The following INPP5D variants were observed in gnomAD, a reference collection of about 807,000 sequenced individuals.
The protein encoded by INPP5D is phosphatidylinositol 3,4,5-trisphosphate 5-phosphatase 1.
A neutral mutation model predicts 122.9 loss-of-function variants in INPP5D; 33 were observed. The observed-to-expected ratio is 0.27, with a 90% CI of 0.20 to 0.36. The LOEUF (loss-of-function observed/expected upper bound fraction) is 0.36. INPP5D is among the 10% of genes least tolerant of loss of function. The pLI is 1.00. For synonymous variants in INPP5D, 584 were observed against 576.2 expected (o/e 1.01, Z -0.19); for missense variants, 1,053 against 1,412.7 (o/e 0.75, Z 4.08).
rs1325880365 is a variant in INPP5D at position 233,182,418 on chromosome 2, A to G, written c.2080A>G (p.Ser694Gly). The G allele has an allele frequency of 6.2e-7, 1 of 1,613,548 alleles. No homozygotes were observed. The highest frequency in any genetic ancestry group is 8.5e-7 in the Non-Finnish European group (1 of 1,179,684). The change falls in exon 19 of 27, where the codon AGC becomes GGC. Residue 694 changes from serine (S) to glycine (G), a missense_variant. This residue lies in a region of INPP5D where 258 missense variants were observed against 439.1 expected (regional missense o/e 0.59). Coordinates refer to ENST00000445964, the MANE Select transcript of INPP5D (RefSeq NM_001017915.3). ...HVVCQSYGST[S>G]DIMTSDHSPV... ...CCTTCCCTCCCCTGCAGGCAGTACC[A>G]GCGACATCATGACGAGTGACCACAG...
At position 233,206,393 on chromosome 2, in the gene INPP5D, G is replaced by A. The variant is rs1695505575; in HGVS notation, c.3568-313G>A. Among the ~76,000 whole-genome samples the A allele has an allele frequency of 1.3e-5, 2 of 151,934 alleles. No homozygotes were observed. Among genetic ancestry groups the A allele is most frequent in the South Asian group, 4.2e-4 (2 of 4,814 alleles). On this transcript the variant is annotated intron_variant, in intron 26 of 26. Transcript: ENST00000445964. This position sits in a 1 kb window ranked among gnomAD's most constrained non-coding sequence, Gnocchi z 4.0. The stretch of plus-strand genomic sequence containing the variant: ...TATATGGTACGTACCTGGGTGTGGT[G>A]CCATGCACCTGTAGTCCCAGCTACT...
Position 233,193,917 on chromosome 2 carries a change from T to A in INPP5D, c.2552T>A (p.Ile851Asn). The change falls in exon 23 of 27, where the codon ATC (isoleucine) becomes AAC (asparagine). Residue 851 changes from isoleucine (I) to asparagine (N), a missense_variant. Ile to Asn is a moderately radical substitution (Grantham distance 149). Transcript: ENST00000445964. ...TTGACAGGCCACTTCCAGGGGGAGA[T>A]CAAGCTGCAGACCTCTCAGGGCAAG... is the stretch of plus-strand genomic sequence containing the variant. ...GELTGHFQGE[I>N]KLQTSQGKTR... 1 of 1,613,230 alleles carries A rather than the reference T, an allele frequency of 6.2e-7. No individual in the cohort carries two copies. The highest frequency in any genetic ancestry group is 8.5e-7 in the Non-Finnish European group (1 of 1,179,494).
intron 25 of INPP5D, among the ~76,000 whole-genome samples, chr2:233,200,909 T>A (rs1366672817): frequency 6.6e-6 from 1 of 151,798 alleles, no homozygotes; most frequent in Non-Finnish European, 1.5e-5. Context: ...TGCAGTGAGC[T>A]GAGGTCATGC....
rs545467198 is a variant in INPP5D at position 233,163,250 on chromosome 2, C to G, written c.1241-457C>G. Among the ~76,000 whole-genome samples, 130 of 152,322 alleles carry G rather than the reference C, an allele frequency of 8.5e-4. 1 individual carries two copies. The Middle Eastern group carries it at 0.014, about 16-fold the overall frequency. On this transcript the variant is annotated intron_variant, in intron 11 of 26. Transcript: ENST00000445964. ...TCCACACTCTCCCGTTTCTCTGGCT[C>G]ACACCCAGGCATCCCTCCGCTCTGG...
chr2:233,076,662 CAG>C (rs1433589867), intron 1 of INPP5D, among the ~76,000 whole-genome samples: 1 of 152,170 alleles, frequency 6.6e-6, no homozygotes, highest in Non-Finnish European at 1.5e-5. Context: ...TAGCATATAT[CAG>C]AGTCTTATTC....
At chr2:233,204,094 A>G (rs370766597) in intron 25 of INPP5D, 32 bp from the exon 26 acceptor site, 2 of 1,476,254 alleles carry the variant, frequency 1.4e-6, no homozygotes, top group Non-Finnish European at 9.0e-7. Flanking sequence ...TCCCCTGGAC[A>G]TGTGTCTTCC....
intron 6 of INPP5D, chr2:233,145,386 C>T: frequency 2.2e-6 from 1 of 452,512 alleles, no homozygotes; most frequent in South Asian, 1.6e-5. Context: ...GTACTGAACA[C>T]AGTCCTCTTG....
At chr2:233,129,490 G>A (rs1418166936) in intron 4 of INPP5D, among the ~76,000 whole-genome samples, 3 of 152,314 alleles carry the variant, frequency 2.0e-5, no homozygotes, top group East Asian at 1.9e-4. Context: ...GGCGCCCCTC[G>A]TGGGACTGGC....
In INPP5D at chr2:233,139,956, G is replaced by A. The variant is rs1353191685; in HGVS notation, c.753+27G>A. ...TAAAGGGTCTTGGGGTTGAAAAGGT[G>A]AGATTAATACCCCAGGGAGGAGGAT... On this transcript the variant is annotated intron_variant, in intron 6 of 26. Coordinates refer to ENST00000445964, the MANE Select transcript of INPP5D (RefSeq NM_001017915.3). 10 of 398,204 alleles carry A rather than the reference G, an allele frequency of 2.5e-5. No individual in the cohort carries two copies. In the Admixed American group the frequency reaches 2.6e-4, roughly 11 times the overall value. 24.7% of individuals were successfully genotyped at this position (398,204 alleles called of 1,614,324 possible). A position where few individuals can be genotyped will look rare whatever the true frequency, so the allele number is the denominator to read the frequency against.
At chr2:233,083,531 C>T (rs373856177) in intron 2 of INPP5D, among the ~76,000 whole-genome samples, 10 of 152,274 alleles carry the variant, frequency 6.6e-5, no homozygotes, top group East Asian at 3.9e-4. Context: ...GGCTCAGCCC[C>T]GCAGGCCTGA....
chr2:233,192,293 G>T (rs924866391), intron 22 of INPP5D, among the ~76,000 whole-genome samples: 7 of 152,210 alleles, frequency 4.6e-5, no homozygotes, highest in Admixed American at 3.9e-4. Context: ...GCAAGACCAT[G>T]TCTTTAAAAA....
intron 9 of INPP5D, among the ~76,000 whole-genome samples, chr2:233,153,655 G>A (rs2106285969): frequency 6.6e-6 from 1 of 152,314 alleles, no homozygotes; most frequent in African/African-American, 2.4e-5. Flanking sequence ...AGGGTCAGAT[G>A]GAAGTCTATT....
chr2:233,164,177 C>A lies in INPP5D; in HGVS notation c.1438-130C>A. 7.0e-7 allele frequency: 1 copy of A among 1,436,056 alleles called. No homozygotes were observed. Among genetic ancestry groups the A allele is most frequent in the Non-Finnish European group, 9.1e-7 (1 of 1,094,450 alleles). 89.0% of individuals were successfully genotyped at this position (1,436,056 alleles called of 1,614,324 possible). A position where few individuals can be genotyped will look rare whatever the true frequency, so the allele number is the denominator to read the frequency against. On this transcript the variant is annotated intron_variant, in intron 12 of 26. Transcript: ENST00000445964. The surrounding 1 kb of genome is among the most constrained non-coding windows in gnomAD (Gnocchi z 4.3). ...GCCTATCAAGCATCGCTGGGAGTCC[C>A]CCGAAGGGTTGGGATTACAGACAGG...
chr2:233,161,053 C>CT (rs1027019425), intron 10 of INPP5D, among the ~76,000 whole-genome samples: 8 of 152,218 alleles, frequency 5.3e-5, no homozygotes, highest in Admixed American at 4.6e-4. Context: ...CTGGATCACA[C>CT]TTGTTAAACA....
chr2:233,146,536 C>T, intron 8 of INPP5D, 98 bp downstream of exon 8: 1 of 696,168 alleles, frequency 1.4e-6, no homozygotes. Context: ...GGGGCTTTAG[C>T]TGGGGAAGAG....
At chr2:233,169,494 C>T (rs35982395) in intron 14 of INPP5D, 93 bp downstream of exon 14, 42,652 of 1,521,798 alleles carry the variant, frequency 0.028, 749 homozygotes, top group Non-Finnish European at 0.033. Context: ...CTGCTCAGCT[C>T]CTGCCTTTGA....
In INPP5D at chr2:233,078,629, C is replaced by T. The variant is rs972032833; in HGVS notation, c.135-706C>T. ...TCACCATGGGCCGCTCTGCTTGGGCCCACTGGAGTCGTGTTTCTTCTTCAA... is the reference window on the plus strand; with the variant it reads ...TCACCATGGGCCGCTCTGCTTGGGCTCACTGGAGTCGTGTTTCTTCTTCAA... On this transcript the variant is annotated intron_variant, in intron 1 of 26. Coordinates refer to ENST00000445964, the MANE Select transcript of INPP5D (RefSeq NM_001017915.3). This position sits in a 1 kb window ranked among gnomAD's most constrained non-coding sequence, Gnocchi z 4.6. Among the ~76,000 whole-genome samples the T allele has an allele frequency of 2.6e-5, 4 of 152,244 alleles. 1 individual carries two copies. The highest frequency in any genetic ancestry group is 6.5e-5 in the Admixed American group (1 of 15,292).
At chr2:233,129,999 T>C (rs182023257) in intron 4 of INPP5D, among the ~76,000 whole-genome samples, 4 of 152,212 alleles carry the variant, frequency 2.6e-5, no homozygotes, top group Non-Finnish European at 1.5e-5. Flanking sequence ...CCTTCCGGGT[T>C]CAAATGATTC....
rs1267055314 is a variant in INPP5D at position 233,161,720 on chromosome 2, C to G, written c.1138-4C>G. The G allele has an allele frequency of 2.5e-6, 4 of 1,611,788 alleles. No individual in the cohort carries two copies. The highest frequency in any genetic ancestry group is 2.5e-6 in the Non-Finnish European group (3 of 1,178,786). ...TCTAAGTCTGTCTGCCCTTCCATCC[C>G]TAGAAGAGAGAAGGCTTCTGCCAGC... On this transcript the variant is annotated splice_region_variant and splice_polypyrimidine_tract_variant and intron_variant, in intron 10 of 26. Transcript: ENST00000445964.
Sources: allele counts gnomAD v4.1 joint callset (sites outside exome capture counted in the v4.1 genomes callset), GRCh38; gene constraint gnomAD v4.1.1; regional missense constraint gnomAD v4.1.1; non-coding constraint Gnocchi (gnomAD v3.1); transcripts MANE v1.5; gene names NCBI Gene and HGNC (gene_info 2026-07-23, HGNC 2026-07-21).